ADAM18: variants seen among roughly 807,000 people sequenced by gnomAD.
ADAM18 encodes the protein disintegrin and metalloproteinase domain-containing protein 18.
In ADAM18, 117 loss-of-function variants were observed where a neutral mutation model predicts 94.4. The observed-to-expected ratio is 1.24, with a 90% confidence interval of 1.07 to 1.45. ADAM18 has a LOEUF of 1.45. Ranked by LOEUF, ADAM18 falls within the 40% of genes most tolerant of loss-of-function variation. ADAM18 has a pLI of 0.00. For missense variants in ADAM18, 936 were observed against 880.0 expected (o/e 1.06, Z -0.81); for synonymous variants, 327 against 291.6 (o/e 1.12, Z -1.24).
At chr8:39,594,793 G>GTTTTTTTTTTTTTTTTTTTTTTTGTTT (rs1818688796) in intron 2 of ADAM18, among the ~76,000 whole-genome samples, 1 of 46,844 alleles carries the variant, frequency 2.1e-5, no homozygotes, top group Non-Finnish European at 4.0e-5. Flanking sequence ...TTTGCTGTGA[G>GTTTTTTTTTTTTTTTTTTTTTTTGTTT]TTTTTTTTTT....
intron 16 of ADAM18, among the ~76,000 whole-genome samples, chr8:39,688,198 A>G (rs950382329): frequency 2.6e-5 from 4 of 152,080 alleles, no homozygotes. Flanking sequence ...GTCTCTAATG[A>G]TTAGTGATGA....
At chr8:39,694,759 A>G (rs1246778086) in intron 17 of ADAM18, among the ~76,000 whole-genome samples, 4 of 151,576 alleles carry the variant, frequency 2.6e-5, no homozygotes, top group Non-Finnish European at 5.9e-5. Flanking sequence ...GCTACTAATT[A>G]TACATTATTA....
At chr8:39,592,256 G>A (rs563004677) in intron 2 of ADAM18, among the ~76,000 whole-genome samples, 1 of 152,278 alleles carries the variant, frequency 6.6e-6, no homozygotes, top group East Asian at 1.9e-4. Flanking sequence ...TAGACATTAA[G>A]ATTGGGTAGA....
Position 39,677,557 on chromosome 8 carries a change from T to C in ADAM18, c.1631+21T>C, listed in dbSNP as rs1412070258. 2.6e-6 allele frequency: 4 copies of C among 1,531,492 alleles called. No individual in the cohort carries two copies. The African/African-American group carries it at 5.6e-5, about 21-fold the overall frequency. 94.9% of individuals were successfully genotyped at this position (1,531,492 alleles called of 1,614,324 possible). A position where few individuals can be genotyped will look rare whatever the true frequency, so the allele number is the denominator to read the frequency against. ...CGGAAGTACGTATGTAGAAAATGAT[T>C]GCTTCTTTGAATCATAAAAATTATG... On this transcript the variant is annotated intron_variant, in intron 15 of 19. Transcript: ENST00000265707.
intron 16 of ADAM18, among the ~76,000 whole-genome samples, chr8:39,681,982 G>A (rs1821475306): frequency 6.6e-6 from 1 of 152,152 alleles, no homozygotes; most frequent in Admixed American, 6.5e-5. Context: ...AACTTCTCCA[G>A]ACAGCAAAAG....
intron 4 of ADAM18, 110 bp from the exon 5 acceptor site, chr8:39,609,375 A>T: frequency 1.3e-6 from 1 of 756,384 alleles, no homozygotes; most frequent in Non-Finnish European, 2.1e-6. Context: ...ATTAATAATT[A>T]ATGATCTTAT....
rs6988389 is a variant in ADAM18 at position 39,663,900 on chromosome 8, T to G, written c.1326+10T>G. The G allele has an allele frequency of 6.3e-7, 1 of 1,590,762 alleles. No individual in the cohort carries two copies. The highest frequency in any genetic ancestry group is 1.3e-5 in the African/African-American group (1 of 74,096). ...TACATCAAAGTGTGAGGTAAGTTAC[T>G]AACATTCATTAAAAGCAAATTGAAC... On this transcript the variant is annotated intron_variant, in intron 13 of 19. Transcript: ENST00000265707.
intron 10 of ADAM18, among the ~76,000 whole-genome samples, chr8:39,644,919 A>C (rs532333184): frequency 6.6e-6 from 1 of 152,306 alleles, no homozygotes; most frequent in African/African-American, 2.4e-5. Flanking sequence ...TTTCTATAAT[A>C]TAAGCTATAG....
intron 3 of ADAM18, among the ~76,000 whole-genome samples, chr8:39,606,925 T>A (rs1819104006): frequency 6.6e-6 from 1 of 152,220 alleles, no homozygotes; most frequent in African/African-American, 2.4e-5. Flanking sequence ...GGAGAAGGAA[T>A]TTCACAAGGA....
intron 7 of ADAM18, among the ~76,000 whole-genome samples, chr8:39,635,421 C>T (rs1421010624): frequency 6.6e-6 from 1 of 152,098 alleles, no homozygotes; most frequent in Non-Finnish European, 1.5e-5. Flanking sequence ...TCTTTAGCTG[C>T]ATTTTATTAT....
At chr8:39,603,298 A>C (rs2129578247) in intron 2 of ADAM18, among the ~76,000 whole-genome samples, 1 of 152,260 alleles carries the variant, frequency 6.6e-6, no homozygotes, top group Non-Finnish European at 1.5e-5. Context: ...AGATAAGGTA[A>C]TTTCTCCAAA....
intron 19 of ADAM18, among the ~76,000 whole-genome samples, chr8:39,725,587 A>G (rs1219783269): frequency 6.6e-6 from 1 of 152,174 alleles, no homozygotes; most frequent in Non-Finnish European, 1.5e-5. Context: ...AGATCATGCA[A>G]CTTTTGTCTG....
chr8:39,592,117 G>A (rs373601017), intron 2 of ADAM18, among the ~76,000 whole-genome samples: 202 of 152,174 alleles, frequency 1.3e-3, no homozygotes, highest in African/African-American at 4.7e-3. Flanking sequence ...TCTCATCACA[G>A]GCATAAGTAC....
chr8:39,594,687 GT>G (rs923330542), intron 2 of ADAM18, among the ~76,000 whole-genome samples: 1 of 119,100 alleles, frequency 8.4e-6, no homozygotes, highest in Admixed American at 8.2e-5. Flanking sequence ...GCTGTCATTT[GT>G]TTTTTTTTCC....
chr8:39,608,578 T>G (rs1819162969), intron 3 of ADAM18, among the ~76,000 whole-genome samples: 1 of 152,052 alleles, frequency 6.6e-6, no homozygotes, highest in Non-Finnish European at 1.5e-5. Context: ...CCTCAGGTAT[T>G]TAATCATCTA....
chr8:39,663,418 G>A (rs1250956641), intron 12 of ADAM18, among the ~76,000 whole-genome samples: 1 of 104,926 alleles, frequency 9.5e-6, no homozygotes, highest in Non-Finnish European at 2.0e-5. Flanking sequence ...GTGACACCTA[G>A]TCTTTACAAA....
At chr8:39,637,480 A>G (rs1820112017) in intron 8 of ADAM18, 57 bp from the exon 9 acceptor site, 1 of 1,458,736 alleles carries the variant, frequency 6.9e-7, no homozygotes, top group Non-Finnish European at 9.3e-7. Context: ...TTTTTAATGT[A>G]CCTTTTAAAT....
intron 18 of ADAM18, among the ~76,000 whole-genome samples, chr8:39,722,389 C>A (rs1375232940): frequency 6.6e-6 from 1 of 150,760 alleles, no homozygotes; most frequent in Non-Finnish European, 1.5e-5. Context: ...ATGGATGGAA[C>A]TGGAGGCATT....
At chr8:39,709,226 A>G (rs2129581399) in intron 18 of ADAM18, among the ~76,000 whole-genome samples, 1 of 152,284 alleles carries the variant, frequency 6.6e-6, no homozygotes, top group African/African-American at 2.4e-5. Flanking sequence ...TGGGGTGGGA[A>G]GGTAATCTTC....
Sources: gnomAD v4.1 joint callset for allele counts (sites outside exome capture counted in the v4.1 genomes callset) on GRCh38, gnomAD v4.1.1 for gene constraint, MANE v1.5 for transcripts, NCBI Gene and HGNC (gene_info 2026-07-23, HGNC 2026-07-21) for gene names.